The following PEG3 variants were observed in gnomAD, a reference collection of about 807,000 sequenced individuals.
The protein encoded by PEG3 is paternally expressed 3.
In PEG3, 23 loss-of-function variants were observed where a neutral mutation model predicts 35.5. That is an observed-to-expected ratio of 0.65 (90% CI 0.47 to 0.92). The LOEUF is 0.92. Ranked by LOEUF, PEG3 falls within the 40% of genes least tolerant of loss-of-function variation. The pLI, the probability that PEG3 is intolerant of heterozygous loss-of-function variation, is 0.00. For missense variants in PEG3, 1,960 were observed against 1,985.3 expected, an observed-to-expected ratio of 0.99 and a Z score of 0.24; for synonymous variants, 707 against 697.0, an observed-to-expected ratio of 1.01 and a Z score of -0.23.
At chr19:56,838,849 G>T (rs986906162) in intron 1 of PEG3, among the ~76,000 whole-genome samples, 1 of 152,152 alleles carries the variant, frequency 6.6e-6, no homozygotes, top group Non-Finnish European at 1.5e-5. Context: ...CCGTGGCCCC[G>T]CCCCTCCCTG....
chr19:56,823,212 A>C (rs1010232), intron 5 of PEG3, among the ~76,000 whole-genome samples: 35,981 of 151,906 alleles, frequency 0.24, 5,219 homozygotes, highest in Admixed American at 0.34. Flanking sequence ...ATTCTACTAC[A>C]AAAAAAACAA....
Position 56,814,329 on chromosome 19 carries a change from G to GGCTGCT in PEG3, c.4107_4112dup (p.Ala1370_Ala1371dup), listed in dbSNP as rs772779692. On this transcript the variant is annotated inframe_insertion, in exon 10 of 10. Coordinates refer to ENST00000326441, the MANE Select transcript of PEG3 (RefSeq NM_006210.3). This position sits in a 1 kb window ranked among gnomAD's most constrained non-coding sequence, Gnocchi z 5.8. ...CATGGACATTGGCTTCAACTTCCTG[G>GGCTGCT]GCTGCTGCTGCTGCAGCTGCTGCTG... 2.5e-6 allele frequency: 4 copies of GGCTGCT among 1,613,852 alleles called. No individual in the cohort carries two copies. The highest frequency in any genetic ancestry group is 2.2e-5 in the East Asian group (1 of 44,868).
At chr19:56,819,694 G>A (rs2060292931) in intron 7 of PEG3, among the ~76,000 whole-genome samples, 1 of 152,194 alleles carries the variant, frequency 6.6e-6, no homozygotes, top group African/African-American at 2.4e-5. Context: ...GGGGAGAAGA[G>A]TATCTATCTG....
chr19:56,831,941 G>T (rs1334899484), intron 2 of PEG3, among the ~76,000 whole-genome samples: 1 of 152,190 alleles, frequency 6.6e-6, no homozygotes, highest in Admixed American at 6.5e-5. Context: ...GCTATAGATG[G>T]AGACCTTGAG....
At chr19:56,839,229 A>T (rs1396268192) in intron 1 of PEG3, among the ~76,000 whole-genome samples, 1 of 143,420 alleles carries the variant, frequency 7.0e-6, no homozygotes, top group Non-Finnish European at 1.5e-5. Flanking sequence ...ACCAACCAGG[A>T]CAGCACCTGC....
Position 56,814,455 on chromosome 19 carries a change from T to C in PEG3, c.3987A>G (p.Ile1329Met), listed in dbSNP as rs897770965. The C allele has an allele frequency of 6.2e-7, 1 of 1,613,780 alleles. No homozygotes were observed. Among genetic ancestry groups the C allele is most frequent in the Non-Finnish European group, 8.5e-7 (1 of 1,179,640 alleles). The change falls in exon 10 of 10, where the codon ATA (isoleucine) becomes ATG (methionine). Residue 1329 changes from isoleucine (I) to methionine (M), a missense_variant. Transcript: ENST00000326441. This position sits in a 1 kb window ranked among gnomAD's most constrained non-coding sequence, Gnocchi z 5.8. ...CACAATCCTTGCATTCATAGAATGGTATAGCTCCTTTGAGGGGCTCAGTAA... is the reference window on the plus strand; with the variant it reads ...CACAATCCTTGCATTCATAGAATGGCATAGCTCCTTTGAGGGGCTCAGTAA... ...SFLTEPLKGA[I>M]PFYECKDCGK... is the part of the protein sequence containing the mutation.
Position 56,817,472 on chromosome 19 carries a change from G to A in PEG3, c.970C>T (p.Arg324Cys), listed in dbSNP as rs112736049. Residue 324 changes from arginine (R) to cysteine (C), a missense_variant, in exon 10 of 10, where the codon CGC becomes TGC. Coordinates refer to ENST00000326441, the MANE Select transcript of PEG3 (RefSeq NM_006210.3). ...CTTGCTCTTCCCGATTTGGAACTGC[G>A]TGACACATCCTTGATGAATTTTTCC... Reference protein sequence around the residue: ...IMEKFIKDVSRSSKSGRARES... With the variant: ...IMEKFIKDVSCSSKSGRARES... 5.9e-4 allele frequency: 945 copies of A among 1,613,514 alleles called. 3 individuals carry two copies. The highest frequency in any genetic ancestry group is 6.6e-4 in the Middle Eastern group (4 of 6,060).
chr19:56,812,713 C>T lies in PEG3; in HGVS notation c.*962G>A. 5 of 984,386 alleles carry T rather than the reference C, an allele frequency of 5.1e-6. No individual in the cohort carries two copies. Among genetic ancestry groups the T allele is most frequent in the Non-Finnish European group, 6.0e-6 (5 of 829,042 alleles). 61.0% of individuals were successfully genotyped at this position (984,386 alleles called of 1,614,324 possible). On this transcript the variant is annotated 3_prime_UTR_variant, in exon 10 of 10. Coordinates refer to ENST00000326441, the MANE Select transcript of PEG3 (RefSeq NM_006210.3). ...AACCTTCATTAGGCACTACTGTGAT[C>T]TAGTGATGGTTGTAACCCATTCTTT...
At chr19:56,818,797 G>A (rs1206378178) in intron 7 of PEG3, 95 bp from the exon 8 acceptor site, 11 of 1,407,174 alleles carry the variant, frequency 7.8e-6, no homozygotes, top group East Asian at 6.9e-5. Flanking sequence ...CATATATGAA[G>A]TTATATAGGA....
chr19:56,818,881 T>A (rs2060221952), intron 7 of PEG3, among the ~76,000 whole-genome samples, 179 bp from the exon 8 acceptor site: 1 of 152,224 alleles, frequency 6.6e-6, no homozygotes, highest in South Asian at 2.1e-4. Flanking sequence ...CCTACCTTGG[T>A]GCTACACTCT....
chr19:56,823,106 T>C (rs971507028), intron 5 of PEG3, among the ~76,000 whole-genome samples: 1 of 152,194 alleles, frequency 6.6e-6, no homozygotes, highest in Non-Finnish European at 1.5e-5. Flanking sequence ...TTCAGACTCT[T>C]TGCTGGCTTC....
At position 56,823,619 on chromosome 19, in the gene PEG3, G is replaced by A. The variant is rs747261591; in HGVS notation, c.455C>T (p.Ser152Leu). 4 of 1,614,130 alleles carry A rather than the reference G, an allele frequency of 2.5e-6. No individual in the cohort carries two copies. Among genetic ancestry groups the A allele is most frequent in the Non-Finnish European group, 3.4e-6 (4 of 1,180,022 alleles). Residue 152 changes from serine to leucine, a missense_variant, in exon 5 of 10, where the codon TCA becomes TTA. Coordinates refer to ENST00000326441, the MANE Select transcript of PEG3 (RefSeq NM_006210.3). ...GAAAGAATGGACTGAGTGAGGTGGT[G>A]AGGACTCTCTTCTGTTCCGGGTCAT... ...DDMTRNRRESSPPHSVHSFSD... is the reference protein window; with the variant it reads ...DDMTRNRRESLPPHSVHSFSD...
chr19:56,820,506 T>C (rs2060378512), intron 7 of PEG3, among the ~76,000 whole-genome samples: 1 of 152,204 alleles, frequency 6.6e-6, no homozygotes, highest in Non-Finnish European at 1.5e-5. Context: ...TCCAGCCTTC[T>C]TCCTATATCC....
At chr19:56,838,306 G>A (rs2062435956) in intron 1 of PEG3, among the ~76,000 whole-genome samples, 1 of 151,694 alleles carries the variant, frequency 6.6e-6, no homozygotes, top group Non-Finnish European at 1.5e-5. Flanking sequence ...GCCCGCCCCT[G>A]GGGCCGACCC....
intron 7 of PEG3, among the ~76,000 whole-genome samples, chr19:56,819,762 G>C (rs1434740133): frequency 5.3e-5 from 8 of 152,128 alleles, no homozygotes; most frequent in Admixed American, 5.2e-4. Context: ...TAAATATTAA[G>C]AAAATTATGT....
rs762258039 is a variant in PEG3 at position 56,818,660 on chromosome 19, T to C, written c.712A>G (p.Arg238Gly). ...TCCTGGATTGTGTTGTGAGGTTTCC[T>C]GTCCTCAGCGAGGTCCACCACATTT... ...YQNVVDLAED[R>G]KPHNTIQDNM... The change falls in exon 8 of 10, where the codon AGG becomes GGG. Residue 238 changes from arginine (R) to glycine (G), a missense_variant. By Grantham distance (125) the Arg-to-Gly change is moderately radical. Transcript: ENST00000326441. 3.1e-6 allele frequency: 5 copies of C among 1,614,086 alleles called. No homozygotes were observed. Among genetic ancestry groups the C allele is most frequent in the Non-Finnish European group, 4.2e-6 (5 of 1,180,054 alleles).
chr19:56,822,682 C>G (rs924777847), intron 6 of PEG3, 71 bp downstream of exon 6: 2 of 1,578,040 alleles, frequency 1.3e-6, no homozygotes, highest in African/African-American at 1.4e-5. Context: ...GGCCCTGGCA[C>G]TTTCCCCTTG....
chr19:56,814,270 T>C lies in PEG3; in HGVS notation c.4172A>G (p.Asn1391Ser). 1 of 1,613,868 alleles carries C rather than the reference T, an allele frequency of 6.2e-7. No homozygotes were observed. Among genetic ancestry groups the C allele is most frequent in the Non-Finnish European group, 8.5e-7 (1 of 1,180,040 alleles). ...CACTTCTGGCTCAGCAGCCTCTACG[T>C]TTAAGCCCTGAATCCTCAGAACTAC... is the stretch of plus-strand genomic sequence containing the variant. ...PQVVLRIQGL[N>S]VEAAEPEVEA... The change falls in exon 10 of 10, where the codon AAC becomes AGC. Residue 1391 changes from asparagine to serine, a missense_variant. Physicochemically the swap from Asn to Ser is conservative, Grantham distance 46. Transcript: ENST00000326441. The surrounding 1 kb of genome is among the most constrained non-coding windows in gnomAD (Gnocchi z 5.8).
rs1030256740 is a variant in PEG3, at chr19:56,811,509, CTT to C, written c.*2164_*2165del. ...ACAGATAGGTTTAAACAATCATTCT[CTT>C]GTTTACCATTTGTTACTACCTTTTC... On this transcript the variant is annotated 3_prime_UTR_variant, in exon 10 of 10. Transcript: ENST00000326441. 6.0e-5 allele frequency: 59 copies of C among 984,006 alleles called. No individual in the cohort carries two copies. The African/African-American group carries it at 9.1e-4, about 15-fold the overall frequency. 61.0% of individuals were successfully genotyped at this position (984,006 alleles called of 1,614,324 possible).
Sources: gnomAD v4.1 joint callset for allele counts (sites outside exome capture counted in the v4.1 genomes callset) on GRCh38, gnomAD v4.1.1 for gene constraint, Gnocchi (gnomAD v3.1) non-coding constraint, MANE v1.5 for transcripts, NCBI Gene and HGNC (gene_info 2026-07-23, HGNC 2026-07-21) for gene names.